Variants in PCDHGB7 observed in about 807,000 individuals in gnomAD.
PCDHGB7 encodes protocadherin gamma subfamily B, 7.
PCDHGB7 carries 37 observed loss-of-function variants against 61.4 expected under a neutral mutation model. That is an observed-to-expected ratio of 0.60 (90% CI 0.46 to 0.79). PCDHGB7 has a LOEUF of 0.79. PCDHGB7 is among the 30% of genes least tolerant of loss of function. The pLI is 0.00. For synonymous variants in PCDHGB7, 464 were observed against 503.5 expected (o/e 0.92, Z 1.05); for missense variants, 1,166 against 1,202.5 (o/e 0.97, Z 0.45).
chr5:141,470,452 G>A (rs981528762), intron 1 of PCDHGB7, among the ~76,000 whole-genome samples: 1 of 152,130 alleles, frequency 6.6e-6, no homozygotes, highest in Admixed American at 6.5e-5. Flanking sequence ...ATAGCATCTT[G>A]AATAGGATTT....
rs776721321 is a variant in PCDHGB7, at chr5:141,431,084, C to A, written c.2415+10810C>A. ...CAAGTGTCAATTAAATCTAGACATT[C>A]TGATGGAGGATAAAGTGAAAATATA... is the stretch of plus-strand genomic sequence containing the variant. On this transcript the variant is annotated intron_variant, in intron 1 of 3. Coordinates refer to ENST00000398594, the MANE Select transcript of PCDHGB7 (RefSeq NM_018927.4). This position sits in a 1 kb window ranked among gnomAD's most constrained non-coding sequence, Gnocchi z 4.8. The A allele has an allele frequency of 1.2e-6, 2 of 1,614,060 alleles. No homozygotes were observed. Among genetic ancestry groups the A allele is most frequent in the Non-Finnish European group, 1.7e-6 (2 of 1,180,002 alleles).
At chr5:141,447,576 A>G (rs758449068) in intron 1 of PCDHGB7, among the ~76,000 whole-genome samples, 6 of 152,214 alleles carry the variant, frequency 3.9e-5, no homozygotes, top group African/African-American at 7.2e-5. Context: ...CTATGTCCAC[A>G]CATACCTTAA....
In PCDHGB7 at chr5:141,485,089, G is replaced by C; in HGVS notation, c.2416-9718G>C. 9.7e-7 allele frequency: 1 copy of C among 1,027,236 alleles called. No individual in the cohort carries two copies. The highest frequency in any genetic ancestry group is 1.5e-6 in the Non-Finnish European group (1 of 674,564). The allele number at this position is 1,027,236 out of a possible 1,614,324, so 63.6% of individuals were successfully genotyped here. On this transcript the variant is annotated intron_variant, in intron 1 of 3. Coordinates refer to ENST00000398594, the MANE Select transcript of PCDHGB7 (RefSeq NM_018927.4). This position sits in a 1 kb window ranked among gnomAD's most constrained non-coding sequence, Gnocchi z 5.7. ...GAGCTGGCGCGGGGAAAGGGAGATA[G>C]GTGTCTCCAGCTGCTGTGGCTGTTT... is the stretch of plus-strand genomic sequence containing the variant.
At chr5:141,427,970 C>G in intron 1 of PCDHGB7, 1 of 1,592,510 alleles carries the variant, frequency 6.3e-7, no homozygotes. Context: ...GGGTGCTGTA[C>G]CCCGCGCTGG....
rs757157488 is a variant in PCDHGB7 at position 141,477,668 on chromosome 5, A to G, written c.2416-17139A>G. ...TTTCACAATAAATCGTGACAATGGC[A>G]TAGTGTCATCCTTAGTGCCCCTAGA... On this transcript the variant is annotated intron_variant, in intron 1 of 3. Coordinates refer to ENST00000398594, the MANE Select transcript of PCDHGB7 (RefSeq NM_018927.4). The surrounding 1 kb of genome is among the most constrained non-coding windows in gnomAD (Gnocchi z 4.9). 10 of 1,614,104 alleles carry G rather than the reference A, an allele frequency of 6.2e-6. No individual in the cohort carries two copies. Among genetic ancestry groups the G allele is most frequent in the Non-Finnish European group, 8.5e-6 (10 of 1,180,046 alleles).
In PCDHGB7 at chr5:141,491,177, T is replaced by G; in HGVS notation, c.2416-3630T>G. The G allele has an allele frequency of 6.2e-7, 1 of 1,614,158 alleles. No homozygotes were observed. Among genetic ancestry groups the G allele is most frequent in the Non-Finnish European group, 8.5e-7 (1 of 1,180,010 alleles). Reference sequence around the variant, plus strand: ...GACTCTGACACCCAGCAGGTGGTGGTCCTGGTGAGGGACAATGGTGACCCT... The same window carrying G: ...GACTCTGACACCCAGCAGGTGGTGGGCCTGGTGAGGGACAATGGTGACCCT... On this transcript the variant is annotated intron_variant, in intron 1 of 3. Transcript: ENST00000398594. This position sits in a 1 kb window ranked among gnomAD's most constrained non-coding sequence, Gnocchi z 6.9.
rs995968509 is a variant in PCDHGB7, at chr5:141,477,065, C to T, written c.2416-17742C>T. ...TCGGCTGGACTTCGAGGACACCAAA[C>T]TCCATGAGATTTACATCCAGGCCAA... On this transcript the variant is annotated intron_variant, in intron 1 of 3. Coordinates refer to ENST00000398594, the MANE Select transcript of PCDHGB7 (RefSeq NM_018927.4). The surrounding 1 kb of genome is among the most constrained non-coding windows in gnomAD (Gnocchi z 4.9). 15 of 1,614,144 alleles carry T rather than the reference C, an allele frequency of 9.3e-6. No homozygotes were observed. The highest frequency in any genetic ancestry group is 3.3e-5 in the Admixed American group (2 of 60,018).
intron 1 of PCDHGB7, among the ~76,000 whole-genome samples, chr5:141,464,630 T>C (rs981288560): frequency 1.3e-5 from 2 of 152,176 alleles, no homozygotes; most frequent in African/African-American, 4.8e-5. Context: ...AGCTTTTTAA[T>C]TGTTGCCAAC....
Position 141,419,399 on chromosome 5 carries a change from G to T in PCDHGB7, c.1540G>T (p.Val514Leu), listed in dbSNP as rs893535249. ...GTCCGTGAGCGCGCAGAGCGGGGTG[G>T]TGTTCGCGCAGCGCGCCTTCGACCA... The part of the protein sequence containing the change: ...YVSVSAQSGV[V>L]FAQRAFDHEQ... The change falls in exon 1 of 4, where the codon GTG (valine) becomes TTG (leucine). Residue 514 changes from valine (V) to leucine (L), a missense_variant. Val to Leu is a conservative substitution (Grantham distance 32, BLOSUM62 1). Transcript: ENST00000398594. The T allele has an allele frequency of 6.2e-7, 1 of 1,613,470 alleles. No homozygotes were observed.
At position 141,490,479 on chromosome 5, in the gene PCDHGB7, C is replaced by T; in HGVS notation, c.2416-4328C>T. 11 of 1,614,216 alleles carry T rather than the reference C, an allele frequency of 6.8e-6. No homozygotes were observed. Among genetic ancestry groups the T allele is most frequent in the Non-Finnish European group, 9.3e-6 (11 of 1,180,032 alleles). ...CGCTGCTAACCAGCCAGCCTTTGGACCGGGAGGCCACATCCCACTATATCA... is the reference window on the plus strand; with the variant it reads ...CGCTGCTAACCAGCCAGCCTTTGGATCGGGAGGCCACATCCCACTATATCA... On this transcript the variant is annotated intron_variant, in intron 1 of 3. Coordinates refer to ENST00000398594, the MANE Select transcript of PCDHGB7 (RefSeq NM_018927.4). This position sits in a 1 kb window ranked among gnomAD's most constrained non-coding sequence, Gnocchi z 5.4.
Position 141,431,599 on chromosome 5 carries a change from C to T in PCDHGB7, c.2415+11325C>T. On this transcript the variant is annotated intron_variant, in intron 1 of 3. Transcript: ENST00000398594. The surrounding 1 kb of genome is among the most constrained non-coding windows in gnomAD (Gnocchi z 4.8). ...GAGTCAATGCGGAAGTGAGGTATTC[C>T]TTCCGGTATGTGGACGACAAGGCGG... 1 of 1,614,194 alleles carries T rather than the reference C, an allele frequency of 6.2e-7. No individual in the cohort carries two copies. The highest frequency in any genetic ancestry group is 8.5e-7 in the Non-Finnish European group (1 of 1,180,034).
intron 1 of PCDHGB7, among the ~76,000 whole-genome samples, chr5:141,438,792 G>T (rs2098065674): frequency 6.7e-6 from 1 of 149,346 alleles, no homozygotes. Flanking sequence ...CTCTCCAGTA[G>T]CTGGGATTAC....
At position 141,487,276 on chromosome 5, in the gene PCDHGB7, C is replaced by G; in HGVS notation, c.2416-7531C>G. On this transcript the variant is annotated intron_variant, in intron 1 of 3. Coordinates refer to ENST00000398594, the MANE Select transcript of PCDHGB7 (RefSeq NM_018927.4). The surrounding 1 kb of genome is among the most constrained non-coding windows in gnomAD (Gnocchi z 5.0). ...TGGCTGTGTCCCTAGTGGCAATTTG[C>G]TTTGTCTCCTTTGGCTCATTCGTGG... 1 of 1,614,158 alleles carries G rather than the reference C, an allele frequency of 6.2e-7. No homozygotes were observed. The highest frequency in any genetic ancestry group is 1.1e-5 in the South Asian group (1 of 91,082).
At position 141,476,114 on chromosome 5, in the gene PCDHGB7, G is replaced by C; in HGVS notation, c.2416-18693G>C. 3.8e-6 allele frequency: 6 copies of C among 1,592,296 alleles called. No homozygotes were observed. Among genetic ancestry groups the C allele is most frequent in the Non-Finnish European group, 5.1e-6 (6 of 1,171,536 alleles). On this transcript the variant is annotated intron_variant, in intron 1 of 3. Coordinates refer to ENST00000398594, the MANE Select transcript of PCDHGB7 (RefSeq NM_018927.4). This position sits in a 1 kb window ranked among gnomAD's most constrained non-coding sequence, Gnocchi z 7.6. Reference sequence around the variant, plus strand: ...CCGCTGAGAGGAACTGCTTTTGAGTGAGATGGTCCCAGAGGCCTGGAGGAG... The same window carrying C: ...CCGCTGAGAGGAACTGCTTTTGAGTCAGATGGTCCCAGAGGCCTGGAGGAG...
chr5:141,476,744 C>A lies in PCDHGB7; in HGVS notation c.2416-18063C>A, dbSNP rs1168392300. ...CCTGGACCGAGAACGGGAGCCTAGT[C>A]TCCAGTTAGTGCTGACGGCGTTGGA... On this transcript the variant is annotated intron_variant, in intron 1 of 3. Coordinates refer to ENST00000398594, the MANE Select transcript of PCDHGB7 (RefSeq NM_018927.4). The surrounding 1 kb of genome is among the most constrained non-coding windows in gnomAD (Gnocchi z 7.6). 1.2e-6 allele frequency: 2 copies of A among 1,614,046 alleles called. No individual in the cohort carries two copies. Among genetic ancestry groups the A allele is most frequent in the Admixed American group, 3.3e-5 (2 of 60,034 alleles).
At chr5:141,507,432 C>T (rs2099860585) in intron 3 of PCDHGB7, 1 of 152,198 alleles carries the variant, frequency 6.6e-6, no homozygotes. Flanking sequence ...GGGGCCAGGC[C>T]TACAGCTGAC....
intron 2 of PCDHGB7, among the ~76,000 whole-genome samples, chr5:141,503,081 C>G (rs1354848667): frequency 6.6e-6 from 1 of 151,960 alleles, no homozygotes; most frequent in Non-Finnish European, 1.5e-5. Flanking sequence ...TCTCGATCTC[C>G]TGACCTCGTG....
rs200519543 is a variant in PCDHGB7, at chr5:141,439,190, C to CAA, written c.2415+18930_2415+18931dup. 3.7e-3 allele frequency among the ~76,000 whole-genome samples: 409 copies of CAA among 111,790 alleles called. 4 individuals are homozygous for CAA. The highest frequency in any genetic ancestry group is 0.029 in the East Asian group (112 of 3,852). The allele number at this position is 111,790 out of a possible 152,430, so 73.3% of individuals were successfully genotyped here. A position where few individuals can be genotyped will look rare whatever the true frequency, so the allele number is the denominator to read the frequency against. On this transcript the variant is annotated intron_variant, in intron 1 of 3. Transcript: ENST00000398594. Reference sequence around the variant, plus strand: ...CCTGGGCGACATAGTGAGACTCTGACAAAAAAAAAAAAAAATCCATATGTG... The same window carrying CAA: ...CCTGGGCGACATAGTGAGACTCTGACAAAAAAAAAAAAAAAAATCCATATGTG...
rs992592523 is a variant in PCDHGB7 at position 141,432,710 on chromosome 5, C to T, written c.2415+12436C>T. ...CGTAGTGGCCGTCCAGGACCACGGC[C>T]AGCCCCCTCTCTCCGCCACTGTCAC... On this transcript the variant is annotated intron_variant, in intron 1 of 3. Coordinates refer to ENST00000398594, the MANE Select transcript of PCDHGB7 (RefSeq NM_018927.4). This position sits in a 1 kb window ranked among gnomAD's most constrained non-coding sequence, Gnocchi z 6.0. The T allele has an allele frequency of 6.2e-7, 1 of 1,613,884 alleles. No homozygotes were observed.
Sources: gnomAD v4.1 joint callset for allele counts (sites outside exome capture counted in the v4.1 genomes callset) on GRCh38, gnomAD v4.1.1 for gene constraint, Gnocchi (gnomAD v3.1) non-coding constraint, MANE v1.5 for transcripts, NCBI Gene and HGNC (gene_info 2026-07-23, HGNC 2026-07-21) for gene names.